The following ANKFN1 variants were observed in gnomAD, a reference collection of about 807,000 sequenced individuals.
ANKFN1 encodes the protein ankyrin repeat and fibronectin type-III domain-containing protein 1.
Under a neutral mutation model 108.7 loss-of-function variants are expected in ANKFN1, and 74 were observed. The ratio of observed to expected loss-of-function variants is 0.68; its 90% CI spans 0.56 to 0.83. The LOEUF (loss-of-function observed/expected upper bound fraction) is 0.83, where lower values mean the gene tolerates loss of function less well. ANKFN1 is among the 40% of genes least tolerant of loss of function. The probability of loss-of-function intolerance (pLI) is 0.00; values close to 1 mark genes in which losing one functional copy is unlikely to be tolerated. For synonymous variants in ANKFN1, 547 were observed against 516.2 expected (o/e 1.06, Z -0.81); for missense variants, 1,505 against 1,382.3 (o/e 1.09, Z -1.41).
At chr17:56,418,175 C>T (rs1332707240) in intron 8 of ANKFN1, among the ~76,000 whole-genome samples, 1 of 152,118 alleles carries the variant, frequency 6.6e-6, no homozygotes, top group East Asian at 1.9e-4. Context: ...TTTTGTTCTT[C>T]CACATTTAAA....
chr17:56,434,863 T>C (rs942381311), intron 8 of ANKFN1, among the ~76,000 whole-genome samples: 1 of 152,138 alleles, frequency 6.6e-6, no homozygotes, highest in African/African-American at 2.4e-5. Flanking sequence ...CGGGGGAAGA[T>C]TTCATAATGC....
intron 4 of ANKFN1, among the ~76,000 whole-genome samples, chr17:56,146,426 T>A (rs940233104): frequency 6.6e-6 from 1 of 152,220 alleles, no homozygotes; most frequent in African/African-American, 2.4e-5. Flanking sequence ...CATACTGCCC[T>A]GGTGGAGGTT....
In ANKFN1 at chr17:56,126,515, C is replaced by T. The variant is rs964205656; in HGVS notation, c.288+80190C>T. Among the ~76,000 whole-genome samples the T allele has an allele frequency of 5.3e-5, 8 of 152,246 alleles. No individual in the cohort carries two copies. The South Asian group carries it at 8.3e-4, about 16-fold the overall frequency. On this transcript the variant is annotated intron_variant, in intron 4 of 12. Transcript: ENST00000635860. ...ATGTTTACCTTTTGCTGACTTTAGA[C>T]TTGGTGTTCTCTGTGGCTGCTGGCG...
intron 4 of ANKFN1, among the ~76,000 whole-genome samples, chr17:56,084,066 C>T (rs1421001965): frequency 1.3e-5 from 2 of 151,222 alleles, no homozygotes; most frequent in Non-Finnish European, 3.0e-5. Context: ...CATTATATAG[C>T]CCTGTGGGAA....
At chr17:56,268,030 A>G (rs1598328927) in intron 3 of ANKFN1, among the ~76,000 whole-genome samples, 1 of 152,160 alleles carries the variant, frequency 6.6e-6, no homozygotes, top group East Asian at 1.9e-4. Context: ...TGAGCATGGA[A>G]TGAAAACTAA....
intron 8 of ANKFN1, among the ~76,000 whole-genome samples, chr17:56,422,669 A>C (rs2048449344): frequency 6.6e-6 from 1 of 152,172 alleles, no homozygotes; most frequent in African/African-American, 2.4e-5. Context: ...AGGATGATGA[A>C]CGTTTGATAA....
intron 3 of ANKFN1, among the ~76,000 whole-genome samples, chr17:56,298,688 TAGAGAG>T (rs77243825): frequency 4.6e-5 from 7 of 152,000 alleles, no homozygotes; most frequent in Non-Finnish European, 7.4e-5. Flanking sequence ...TTTATATATA[TAGAGAG>T]AGAGAGATTA....
At chr17:56,241,584 A>G (rs1472487710) in intron 3 of ANKFN1, among the ~76,000 whole-genome samples, 1 of 152,086 alleles carries the variant, frequency 6.6e-6, no homozygotes, top group African/African-American at 2.4e-5. Flanking sequence ...CCCCTTATCC[A>G]TGAGGAGTAA....
intron 17 of ANKFN1, among the ~76,000 whole-genome samples, chr17:56,481,780 T>C (rs2050712734): frequency 6.6e-6 from 1 of 152,174 alleles, no homozygotes; most frequent in African/African-American, 2.4e-5. Flanking sequence ...AAGGTGGCCG[T>C]GTGTTCACTA....
intron 8 of ANKFN1, among the ~76,000 whole-genome samples, chr17:56,416,313 A>T (rs552248129): frequency 1.6e-4 from 24 of 152,340 alleles, no homozygotes; most frequent in Middle Eastern, 6.8e-3. Context: ...CTGACAAGGG[A>T]TTAATAACCA....
intron 6 of ANKFN1, chr17:56,368,297 T>TTTTTTTTTTTTTTTAAA (rs1598470005): frequency 2.0e-6 from 1 of 492,544 alleles, no homozygotes. Context: ...TTTTTTTTTT[T>TTTTTTTTTTTTTTTAAA]GAGAAGGAGT....
chr17:56,463,484 G>C lies in ANKFN1; in HGVS notation c.1558-2872G>C, dbSNP rs192735593. ...TTCTTAATTAAAATTTCCTAGGCCA[G>C]AGGAGAGATAAGTATCTCAGCATGT... On this transcript the variant is annotated intron_variant, in intron 14 of 20. Transcript: ENST00000682825. Among the ~76,000 whole-genome samples, 16 of 152,248 alleles carry C rather than the reference G, an allele frequency of 1.1e-4. 1 individual carries two copies. Among genetic ancestry groups the C allele is most frequent in the Admixed American group, 3.3e-4 (5 of 15,302 alleles).
chr17:56,102,058 G>A (rs1905657432), intron 4 of ANKFN1, among the ~76,000 whole-genome samples: 1 of 152,120 alleles, frequency 6.6e-6, no homozygotes, highest in Admixed American at 6.5e-5. Context: ...TCACCAAGAA[G>A]TACCCCTGGA....
At chr17:56,344,434 G>A (rs184891102) in intron 4 of ANKFN1, among the ~76,000 whole-genome samples, 3 of 152,082 alleles carry the variant, frequency 2.0e-5, no homozygotes, top group Admixed American at 1.3e-4. Context: ...ACTCAGCCAG[G>A]CAGCTGAAAA....
chr17:56,354,075 C>CT lies in ANKFN1; in HGVS notation c.601+30dup, dbSNP rs1368487176. 13 of 1,603,418 alleles carry CT rather than the reference C, an allele frequency of 8.1e-6. No homozygotes were observed. In the Admixed American group the frequency reaches 2.2e-4, roughly 27 times the overall value. The stretch of plus-strand genomic sequence containing the variant: ...AGTAACCTGAGAATAAACACATGTA[C>CT]TATTAAAGCCAGATTCCAGCCTTAT... On this transcript the variant is annotated intron_variant, in intron 6 of 20. Transcript: ENST00000682825.
intron 3 of ANKFN1, among the ~76,000 whole-genome samples, chr17:56,264,499 A>G (rs1490723608): frequency 6.6e-6 from 1 of 152,150 alleles, no homozygotes; most frequent in Non-Finnish European, 1.5e-5. Flanking sequence ...TTTGCAGTCT[A>G]CATACACTCT....
intron 3 of ANKFN1, among the ~76,000 whole-genome samples, chr17:56,243,833 T>C (rs1056235770): frequency 3.3e-5 from 5 of 152,130 alleles, no homozygotes; most frequent in Admixed American, 2.0e-4. Context: ...CCAAATGAAC[T>C]AAGGAGTGTT....
chr17:56,112,366 G>C (rs1017205076), intron 4 of ANKFN1, among the ~76,000 whole-genome samples: 1 of 151,960 alleles, frequency 6.6e-6, no homozygotes. Context: ...ATCTAGTCGG[G>C]TTACAACTAA....
chr17:56,331,195 G>A (rs138761951), intron 4 of ANKFN1, among the ~76,000 whole-genome samples: 4,359 of 152,214 alleles, frequency 0.029, 202 homozygotes, highest in African/African-American at 0.1. Context: ...TACATTTGCA[G>A]CTGCTAATTC....
Sources: gnomAD v4.1 joint callset for allele counts (sites outside exome capture counted in the v4.1 genomes callset) on GRCh38, gnomAD v4.1.1 for gene constraint, MANE v1.5 for transcripts, NCBI Gene and HGNC (gene_info 2026-07-23, HGNC 2026-07-21) for gene names.